Variants in MAGED1 observed in about 807,000 individuals in gnomAD.
MAGED1 encodes MAGE family member D1.
MAGED1 carries 3 observed loss-of-function variants against 54.1 expected under a neutral mutation model. The observed-to-expected ratio is 0.06, with a 90% CI of 0.03 to 0.14. MAGED1 has a LOEUF of 0.14. MAGED1 is among the 10% of genes least tolerant of loss of function. MAGED1 has a pLI of 1.00. For missense variants in MAGED1, 485 were observed against 623.4 expected, an observed-to-expected ratio of 0.78 and a Z score of 2.36; for synonymous variants, 217 against 227.3, an observed-to-expected ratio of 0.95 and a Z score of 0.41.
At chrX:51,897,343 T>G in intron 5 of MAGED1, 72 bp downstream of exon 5, 2 of 1,013,456 alleles carry the variant, frequency 2.0e-6, no homozygotes, top group Non-Finnish European at 2.8e-6. Context: ...ATTCTTCTGC[T>G]TGTAGCTCTG....
chrX:51,804,540 A>G (rs1924963538), intron 1 of MAGED1, among the ~76,000 whole-genome samples: 1 of 111,574 alleles, frequency 9.0e-6, no homozygotes, highest in Non-Finnish European at 1.9e-5. Context: ...TTATTGAATA[A>G]TTTTTATTTG....
chrX:51,851,095 T>A (rs1282068180), intron 1 of MAGED1, among the ~76,000 whole-genome samples: 2 of 111,480 alleles, frequency 1.8e-5, no homozygotes, highest in Non-Finnish European at 3.8e-5. Context: ...GTACTGGGTT[T>A]GATAACTGAT....
At position 51,895,079 on chromosome X, in the gene MAGED1, C is replaced by T; in HGVS notation, c.72C>T (p.Ala24=). 1 of 1,210,934 alleles carries T rather than the reference C, an allele frequency of 8.3e-7. No homozygotes were observed. Among genetic ancestry groups the T allele is most frequent in the African/African-American group, 1.7e-5 (1 of 57,831 alleles). Residue 24 remains alanine (A), a synonymous_variant, in exon 3 of 13, where the codon GCC becomes GCT. Coordinates refer to ENST00000326587, the MANE Select transcript of MAGED1 (RefSeq NM_006986.4). ...CTGAGGCCTCCGTAGAAGACAGCGCCTTGCTTATGCAGACCTTGATGGAGG... is the reference window on the plus strand; with the variant it reads ...CTGAGGCCTCCGTAGAAGACAGCGCTTTGCTTATGCAGACCTTGATGGAGG... The part of the protein sequence containing the change: ...FQAEASVEDS[A]LLMQTLMEAI...
chrX:51,898,790 C>A (rs1320556904), intron 10 of MAGED1, 147 bp downstream of exon 10: 5 of 486,195 alleles, frequency 1.0e-5, no homozygotes, highest in Admixed American at 4.4e-5. Flanking sequence ...ATCGCTTGAG[C>A]CCAGGAGTTC....
intron 1 of MAGED1, among the ~76,000 whole-genome samples, chrX:51,804,939 C>T: frequency 9.0e-6 from 1 of 111,699 alleles, no homozygotes; most frequent in Non-Finnish European, 1.9e-5. Flanking sequence ...GGCCACCTTC[C>T]CATTCCCCTA....
upstream of MAGED1, among the ~76,000 whole-genome samples, chrX:51,892,310 C>T (rs1260801923): frequency 1.8e-5 from 2 of 112,247 alleles, no homozygotes; most frequent in African/African-American, 6.5e-5. Context: ...GTGACCCGTG[C>T]GGGCTCACAC....
intron 1 of MAGED1, among the ~76,000 whole-genome samples, chrX:51,862,602 G>A (rs1927321080): frequency 9.0e-6 from 1 of 111,128 alleles, no homozygotes; most frequent in Admixed American, 9.6e-5. Context: ...ATGGAAAAGC[G>A]AACACAAACC....
At chrX:51,846,695 T>C in intron 1 of MAGED1, among the ~76,000 whole-genome samples, 1 of 111,194 alleles carries the variant, frequency 9.0e-6, no homozygotes, top group Non-Finnish European at 1.9e-5. Flanking sequence ...AAGGCATGTC[T>C]TACGTGGCCG....
chrX:51,871,338 A>C (rs1326793888), intron 1 of MAGED1, among the ~76,000 whole-genome samples: 13 of 106,617 alleles, frequency 1.2e-4, no homozygotes, highest in Non-Finnish European at 2.3e-4. Context: ...TTTGTTACTT[A>C]TGTATACATG....
At chrX:51,848,610 C>T (rs943458271) in intron 1 of MAGED1, among the ~76,000 whole-genome samples, 3 of 111,859 alleles carry the variant, frequency 2.7e-5, no homozygotes, top group African/African-American at 9.8e-5. Context: ...AGGCACTTAC[C>T]ACAAATCACA....
chrX:51,888,631 T>C (rs906511316), upstream of MAGED1, among the ~76,000 whole-genome samples: 1 of 112,360 alleles, frequency 8.9e-6, no homozygotes, highest in Non-Finnish European at 1.9e-5. Context: ...TCCCAGAGAA[T>C]TGGGAACTTA....
intron 1 of MAGED1, among the ~76,000 whole-genome samples, chrX:51,828,535 C>A (rs1380608052): frequency 1.8e-5 from 2 of 110,441 alleles, no homozygotes; most frequent in Non-Finnish European, 3.8e-5. Flanking sequence ...CCAGCAGTTT[C>A]TCTACCATGT....
intron 1 of MAGED1, among the ~76,000 whole-genome samples, chrX:51,846,742 C>T (rs941801337): frequency 1.8e-5 from 2 of 110,780 alleles, no homozygotes; most frequent in South Asian, 7.7e-4. Context: ...AGGTACTATA[C>T]ACTTTTAAAA....
intron 3 of MAGED1, chrX:51,896,054 C>T: frequency 2.6e-6 from 1 of 379,675 alleles, no homozygotes; most frequent in Admixed American, 4.9e-5. Flanking sequence ...CTCATTAAAC[C>T]TTAAAGGCAC....
chrX:51,859,038 C>T, intron 1 of MAGED1, among the ~76,000 whole-genome samples: 1 of 111,596 alleles, frequency 9.0e-6, no homozygotes. Flanking sequence ...CAGGATCTAC[C>T]TTCAGGTATA....
At chrX:51,893,449 T>C (rs1177534812), upstream of MAGED1, 1 of 111,114 alleles carries the variant, frequency 9.0e-6, no homozygotes, top group Non-Finnish European at 1.9e-5. Context: ...GGTGGGGTGG[T>C]GTGTTGGCAA....
At chrX:51,889,414 G>A (rs1928354404), upstream of MAGED1, among the ~76,000 whole-genome samples, 1 of 107,811 alleles carries the variant, frequency 9.3e-6, no homozygotes. Flanking sequence ...GATCACCTGA[G>A]GTCAGGAGTT....
chrX:51,896,294 A>G (rs1928745888), intron 3 of MAGED1, 115 bp from the exon 4 acceptor site: 7 of 645,781 alleles, frequency 1.1e-5, no homozygotes, highest in Non-Finnish European at 1.6e-5. Flanking sequence ...AGGGTGACCA[A>G]TGGCTAGTGG....
intron 1 of MAGED1, among the ~76,000 whole-genome samples, chrX:51,855,820 C>T (rs1041391268): frequency 2.7e-5 from 3 of 111,532 alleles, no homozygotes; most frequent in African/African-American, 6.5e-5. Flanking sequence ...GCCCCCGCAC[C>T]GGGCTTATCT....
Sources: gnomAD v4.1 joint callset for allele counts (sites outside exome capture counted in the v4.1 genomes callset) on GRCh38, gnomAD v4.1.1 for gene constraint, MANE v1.5 for transcripts, NCBI Gene and HGNC (gene_info 2026-07-23, HGNC 2026-07-21) for gene names.